Variants in ATP8B4 observed in about 807,000 individuals in gnomAD.
ATP8B4 encodes the protein ATPase phospholipid transporting 8B4 (putative).
In ATP8B4, 133 loss-of-function variants were observed where a neutral mutation model predicts 145.6. The ratio of observed to expected loss-of-function variants is 0.91; its 90% CI spans 0.79 to 1.05. The LOEUF is 1.05. ATP8B4 is among the 50% of genes least tolerant of loss of function. The pLI, the probability that ATP8B4 is intolerant of heterozygous loss-of-function variation, is 0.00. For missense variants in ATP8B4, 1,458 were observed against 1,425.2 expected (o/e 1.02, Z -0.37); for synonymous variants, 507 against 492.9 (o/e 1.03, Z -0.38).
intron 2 of ATP8B4, among the ~76,000 whole-genome samples, chr15:50,077,054 T>C (rs1165467673): frequency 6.6e-6 from 1 of 152,180 alleles, no homozygotes; most frequent in Non-Finnish European, 1.5e-5. Context: ...GCCTGATACT[T>C]CATAGGCATC....
chr15:49,926,978 C>T (rs1466373681), intron 16 of ATP8B4, among the ~76,000 whole-genome samples: 14 of 152,106 alleles, frequency 9.2e-5, no homozygotes, highest in Admixed American at 7.9e-4. Context: ...CTAAAGATCT[C>T]GTAAGAGCCT....
chr15:49,995,942 T>A (rs2047391514), intron 9 of ATP8B4, among the ~76,000 whole-genome samples: 1 of 152,122 alleles, frequency 6.6e-6, no homozygotes, highest in South Asian at 2.1e-4. Flanking sequence ...AAGTACTGTG[T>A]TTCTCTGTGG....
rs185958354 is a variant in ATP8B4 at position 49,955,323 on chromosome 15, C to T, written c.1287+6654G>A. Among the ~76,000 whole-genome samples, 147 of 152,134 alleles carry T rather than the reference C, an allele frequency of 9.7e-4. 1 individual carries two copies. The highest frequency in any genetic ancestry group is 1.1e-3 in the Non-Finnish European group (77 of 67,974). ...CTGCACATGTACCCCGATTCTAAAACAAAAATGGGAGAAAGAAAACAAACA... is the reference window on the plus strand; with the variant it reads ...CTGCACATGTACCCCGATTCTAAAATAAAAATGGGAGAAAGAAAACAAACA... On this transcript the variant is annotated intron_variant, in intron 14 of 27. Transcript: ENST00000284509.
chr15:49,892,278 A>G (rs370189330), intron 23 of ATP8B4, among the ~76,000 whole-genome samples: 2 of 152,196 alleles, frequency 1.3e-5, no homozygotes, highest in East Asian at 1.9e-4. Flanking sequence ...GAAAGCTATA[A>G]AAGAATACGA....
chr15:49,861,703 T>C (rs145983049), intron 27 of ATP8B4, among the ~76,000 whole-genome samples: 46 of 152,312 alleles, frequency 3.0e-4, no homozygotes, highest in African/African-American at 1.1e-3. Context: ...AGTTAAGGAA[T>C]TTCTATAACC....
chr15:49,918,953 T>A lies in ATP8B4; in HGVS notation c.1924-3A>T. The stretch of plus-strand genomic sequence containing the variant: ...TCTACAGCAGTGGCACCTAGTAGCT[T>A]TATTGAAAAAGAGAGAAAAGTTTAT... On this transcript the variant is annotated splice_region_variant and splice_polypyrimidine_tract_variant and intron_variant, in intron 18 of 27. Coordinates refer to ENST00000284509, the MANE Select transcript of ATP8B4 (RefSeq NM_024837.4). The A allele has an allele frequency of 1.2e-6, 2 of 1,600,862 alleles. No individual in the cohort carries two copies. The highest frequency in any genetic ancestry group is 1.7e-6 in the Non-Finnish European group (2 of 1,170,910).
intron 26 of ATP8B4, 39 bp downstream of exon 26, chr15:49,866,307 G>T (rs770321200): frequency 1.9e-6 from 3 of 1,599,452 alleles, no homozygotes. Flanking sequence ...GTAAACAGCA[G>T]CAGACACTAG....
chr15:49,903,623 G>A (rs1426629367), intron 20 of ATP8B4, among the ~76,000 whole-genome samples: 1 of 152,232 alleles, frequency 6.6e-6, no homozygotes, highest in Admixed American at 6.5e-5. Context: ...GCCAGGCACA[G>A]TGGTTCATGC....
Position 50,073,162 on chromosome 15 carries a change from T to C in ATP8B4, c.87+965A>G, listed in dbSNP as rs540076959. Among the ~76,000 whole-genome samples the C allele has an allele frequency of 3.3e-5, 5 of 151,274 alleles. No individual in the cohort carries two copies. In the East Asian group the frequency reaches 9.8e-4, roughly 30 times the overall value. On this transcript the variant is annotated intron_variant, in intron 3 of 27. Coordinates refer to ENST00000284509, the MANE Select transcript of ATP8B4 (RefSeq NM_024837.4). The stretch of plus-strand genomic sequence containing the variant: ...CAGGTTTGTTACATAGGTATACACG[T>C]GCCATGGTGGTTTGCTGCACCCATC...
At chr15:50,077,834 C>T (rs1399516356) in intron 2 of ATP8B4, among the ~76,000 whole-genome samples, 1 of 152,110 alleles carries the variant, frequency 6.6e-6, no homozygotes, top group Non-Finnish European at 1.5e-5. Flanking sequence ...CAGCTATAGC[C>T]AACTTGGCCC....
intron 2 of ATP8B4, among the ~76,000 whole-genome samples, chr15:50,097,977 G>C (rs1315818735): frequency 2.0e-5 from 3 of 152,124 alleles, no homozygotes; most frequent in African/African-American, 7.2e-5. Context: ...GAGGCTCAGA[G>C]GATTTGAATA....
intron 1 of ATP8B4, among the ~76,000 whole-genome samples, chr15:50,125,917 A>G (rs564426960): frequency 1.3e-5 from 2 of 152,314 alleles, no homozygotes; most frequent in East Asian, 3.9e-4. Flanking sequence ...CCAGGTTGCA[A>G]TCCTCAAGCT....
chr15:49,982,694 C>T (rs2046265852), intron 10 of ATP8B4: 1 of 152,104 alleles, frequency 6.6e-6, no homozygotes, highest in South Asian at 2.1e-4. Context: ...ATAAGGAATC[C>T]TTTTTATGGA....
intron 14 of ATP8B4, among the ~76,000 whole-genome samples, chr15:49,935,249 T>C (rs771284622): frequency 2.6e-5 from 4 of 152,082 alleles, no homozygotes; most frequent in Non-Finnish European, 5.9e-5. Flanking sequence ...TGCTAACAGT[T>C]TTATATGGAA....
chr15:49,987,745 T>C (rs2046739057), intron 9 of ATP8B4, among the ~76,000 whole-genome samples, 196 bp from the exon 10 acceptor site: 1 of 152,126 alleles, frequency 6.6e-6, no homozygotes, highest in Non-Finnish European at 1.5e-5. Context: ...CACAGTTTTC[T>C]GTACTGTCCA....
intron 3 of ATP8B4, among the ~76,000 whole-genome samples, chr15:50,055,503 G>A (rs2052530726): frequency 1.3e-5 from 2 of 152,144 alleles, no homozygotes; most frequent in African/African-American, 4.8e-5. Context: ...AATCCCACAA[G>A]CCCCAGGAGC....
chr15:50,056,783 CAT>C (rs1437393425), intron 3 of ATP8B4, among the ~76,000 whole-genome samples: 1 of 150,816 alleles, frequency 6.6e-6, no homozygotes, highest in Non-Finnish European at 1.5e-5. Flanking sequence ...ATAGTAAAAA[CAT>C]ATAGTACACA....
intron 16 of ATP8B4, among the ~76,000 whole-genome samples, chr15:49,929,569 C>T (rs2041063505): frequency 6.6e-6 from 1 of 151,986 alleles, no homozygotes; most frequent in Non-Finnish European, 1.5e-5. Context: ...AAGAAGGTCA[C>T]AGAATATAAG....
rs1170186753 is a variant in ATP8B4 at position 50,162,310 on chromosome 15, CTTTA to C, written c.-43+19947_-43+19950del. Among the ~76,000 whole-genome samples the C allele has an allele frequency of 1.9e-4, 28 of 150,622 alleles. 1 individual carries two copies. In the East Asian group the frequency reaches 5.2e-3, roughly 28 times the overall value. ...TAACCTTCTTATACTTTATTAATATCTTTATTTATATATATACTTTATTAATATC... is the reference window on the plus strand; with the variant it reads ...TAACCTTCTTATACTTTATTAATATCTTTATATATATACTTTATTAATATC... On this transcript the variant is annotated intron_variant, in intron 1 of 3. Coordinates refer to the ATP8B4 transcript ENST00000558829.
Sources: gnomAD v4.1 joint callset for allele counts (sites outside exome capture counted in the v4.1 genomes callset) on GRCh38, gnomAD v4.1.1 for gene constraint, MANE v1.5 for transcripts, NCBI Gene and HGNC (gene_info 2026-07-23, HGNC 2026-07-21) for gene names.